AGAP1: variants seen among roughly 807,000 people sequenced by gnomAD.
AGAP1 encodes the protein arf-GAP with GTPase, ANK repeat and PH domain-containing protein 1.
AGAP1 carries 29 observed loss-of-function variants against 105.3 expected under a neutral mutation model. The ratio of observed to expected loss-of-function variants is 0.28; its 90% confidence interval spans 0.21 to 0.38. The LOEUF (loss-of-function observed/expected upper bound fraction) is 0.38, where lower values mean the gene tolerates loss of function less well. Among genes scored for constraint, AGAP1 ranks in the 10% least tolerant of loss-of-function variants. The probability of loss-of-function intolerance (pLI) is 1.00; values close to 1 mark genes in which losing one functional copy is unlikely to be tolerated. For synonymous variants in AGAP1, 509 were observed against 485.9 expected, an observed-to-expected ratio of 1.05 and a Z score of -0.63; for missense variants, 998 against 1,165.1, an observed-to-expected ratio of 0.86 and a Z score of 2.09.
intron 9 of AGAP1, among the ~76,000 whole-genome samples, chr2:235,856,201 C>T (rs977887993): frequency 2.6e-5 from 4 of 152,170 alleles, no homozygotes; most frequent in African/African-American, 9.7e-5. Flanking sequence ...CGTGAGCCAC[C>T]GCACCCGGCC....
intron 1 of AGAP1, among the ~76,000 whole-genome samples, chr2:235,591,920 C>G (rs554954713): frequency 6.9e-6 from 1 of 145,468 alleles, no homozygotes; most frequent in Admixed American, 7.1e-5. Flanking sequence ...CCTTCGTCTT[C>G]CCACATGATT....
intron 1 of AGAP1, chr2:235,670,981 C>T (rs951800055): frequency 2.7e-5 from 36 of 1,320,396 alleles, no homozygotes; most frequent in Non-Finnish European, 3.3e-5. Flanking sequence ...GGCCACGCGG[C>T]TACTTCAGCC....
At chr2:235,531,141 G>A (rs567246518) in intron 1 of AGAP1, among the ~76,000 whole-genome samples, 1 of 152,348 alleles carries the variant, frequency 6.6e-6, no homozygotes, top group African/African-American at 2.4e-5. Flanking sequence ...AGGAGTCTTA[G>A]TTTGGGATCA....
rs1347916339 is a variant in AGAP1, at chr2:235,904,308, CG to C, written c.1156-4428del. On this transcript the variant is annotated intron_variant, in intron 10 of 17. Coordinates refer to ENST00000304032, the MANE Select transcript of AGAP1 (RefSeq NM_001037131.3). The surrounding 1 kb of genome is among the most constrained non-coding windows in gnomAD (Gnocchi z 4.2). ...ACAGTTACCGAGCAATTGGCGGGTT[CG>C]GAAACAGGTCCCTTTGCTCTGGCGC... Among the ~76,000 whole-genome samples the C allele has an allele frequency of 6.6e-6, 1 of 152,098 alleles. No homozygotes were observed. The highest frequency in any genetic ancestry group is 1.5e-5 in the Non-Finnish European group (1 of 68,012).
At chr2:235,636,730 C>T (rs1453559290) in intron 1 of AGAP1, among the ~76,000 whole-genome samples, 1 of 152,040 alleles carries the variant, frequency 6.6e-6, no homozygotes, top group African/African-American at 2.4e-5. Context: ...ACGCCCGGTG[C>T]CTATGAATGT....
At position 235,566,460 on chromosome 2, in the gene AGAP1, A is replaced by G. The variant is rs571369522; in HGVS notation, c.163+71611A>G. The G allele has an allele frequency of 4.5e-5, 24 of 531,114 alleles. No individual in the cohort carries two copies. The highest frequency in any genetic ancestry group is 2.5e-4 in the South Asian group (3 of 12,122). 32.9% of individuals were successfully genotyped at this position (531,114 alleles called of 1,614,324 possible). On this transcript the variant is annotated intron_variant, in intron 1 of 17. Transcript: ENST00000304032. The surrounding 1 kb of genome is among the most constrained non-coding windows in gnomAD (Gnocchi z 5.2). ...TATTATTAACTCGAGATCAATATTG[A>G]TTTACTGTTTTGTTTTTTTATTTCC...
intron 6 of AGAP1, among the ~76,000 whole-genome samples, chr2:235,755,386 C>T (rs1171598949): frequency 6.6e-6 from 1 of 152,196 alleles, no homozygotes. Flanking sequence ...TGAAGGATTA[C>T]AGAAAAATAA....
rs2058970005 is a variant in AGAP1 at position 236,087,770 on chromosome 2, G to T, written c.2115-32422G>T. Among the ~76,000 whole-genome samples, 1 of 152,178 alleles carries T rather than the reference G, an allele frequency of 6.6e-6. No homozygotes were observed. Among genetic ancestry groups the T allele is most frequent in the African/African-American group, 2.4e-5 (1 of 41,436 alleles). ...TCCATGAAGCACCAAATAAGAAGTT[G>T]GCGTCCATTAAACTAGATTGATTAT... On this transcript the variant is annotated intron_variant, in intron 16 of 17. Coordinates refer to ENST00000304032, the MANE Select transcript of AGAP1 (RefSeq NM_001037131.3). The surrounding 1 kb of genome is among the most constrained non-coding windows in gnomAD (Gnocchi z 5.7).
chr2:236,102,384 C>T lies in AGAP1; in HGVS notation c.2115-17808C>T, dbSNP rs567793731. 7.5e-5 allele frequency among the ~76,000 whole-genome samples: 11 copies of T among 147,070 alleles called. No homozygotes were observed. The East Asian group carries it at 2.0e-3, about 27-fold the overall frequency. On this transcript the variant is annotated intron_variant, in intron 16 of 17. Transcript: ENST00000304032. ...ATTGAGGCGAGATCATGCCACTGCA[C>T]TCCAGCCTGGGCGACAGAGCGAGAC...
chr2:235,958,830 G>T lies in AGAP1; in HGVS notation c.1484-9632G>T, dbSNP rs1306889159. ...GGAATGTTATTTTATTCCCCCTCTAGTCATGCTTGTCAGCTCTCCGAGTGA... is the reference window on the plus strand; with the variant it reads ...GGAATGTTATTTTATTCCCCCTCTATTCATGCTTGTCAGCTCTCCGAGTGA... On this transcript the variant is annotated intron_variant, in intron 12 of 17. Transcript: ENST00000304032. This position sits in a 1 kb window ranked among gnomAD's most constrained non-coding sequence, Gnocchi z 4.1. Among the ~76,000 whole-genome samples the T allele has an allele frequency of 3.9e-5, 6 of 152,172 alleles. No homozygotes were observed. The highest frequency in any genetic ancestry group is 8.8e-5 in the Non-Finnish European group (6 of 68,034).
chr2:236,099,039 C>T (rs568132385), intron 16 of AGAP1, among the ~76,000 whole-genome samples: 3 of 152,130 alleles, frequency 2.0e-5, no homozygotes, highest in South Asian at 2.1e-4. Context: ...GCCCCACCTC[C>T]CCAGCGGGGG....
intron 1 of AGAP1, among the ~76,000 whole-genome samples, chr2:235,676,416 G>GA (rs768950312): frequency 4.3e-4 from 65 of 152,340 alleles, no homozygotes; most frequent in Non-Finnish European, 7.9e-4. Context: ...ACTAATGAGA[G>GA]AACTAGAAGA....
intron 6 of AGAP1, among the ~76,000 whole-genome samples, chr2:235,765,563 C>T (rs563649033): frequency 2.0e-5 from 3 of 152,300 alleles, no homozygotes; most frequent in African/African-American, 7.2e-5. Context: ...GCACAGCCAA[C>T]CGGACTGTAC....
At chr2:235,920,371 G>A (rs182257725) in intron 11 of AGAP1, among the ~76,000 whole-genome samples, 5 of 152,306 alleles carry the variant, frequency 3.3e-5, no homozygotes, top group Admixed American at 2.0e-4. Flanking sequence ...TGACTCTGGC[G>A]CTCCAGCTCA....
Position 235,799,664 on chromosome 2 carries a change from A to G in AGAP1, c.957+142A>G. 2.1e-6 allele frequency: 2 copies of G among 971,248 alleles called. No homozygotes were observed. The highest frequency in any genetic ancestry group is 2.3e-5 in the South Asian group (1 of 43,288). The allele number at this position is 971,248 out of a possible 1,614,324, so 60.2% of individuals were successfully genotyped here. ...ATAACATTGATTTCTGTGGAGGACT[A>G]AGAAAATTAAGAGAAGCAAAGATTT... On this transcript the variant is annotated intron_variant, in intron 8 of 17. Coordinates refer to ENST00000304032, the MANE Select transcript of AGAP1 (RefSeq NM_001037131.3). The surrounding 1 kb of genome is among the most constrained non-coding windows in gnomAD (Gnocchi z 5.0).
intron 16 of AGAP1, among the ~76,000 whole-genome samples, chr2:236,102,220 A>C (rs201795438): frequency 2.6e-4 from 39 of 152,050 alleles, no homozygotes; most frequent in Admixed American, 2.4e-3. Flanking sequence ...GATCGAGACC[A>C]TCCTGGCTAA....
chr2:235,925,137 G>A (rs549551412), intron 11 of AGAP1, among the ~76,000 whole-genome samples: 5 of 152,258 alleles, frequency 3.3e-5, no homozygotes, highest in East Asian at 1.9e-4. Flanking sequence ...CTCGGCTTCC[G>A]GGGTAGAAGC....
chr2:235,670,466 A>C (rs1255455041), intron 1 of AGAP1: 1 of 525,404 alleles, frequency 1.9e-6, no homozygotes, highest in Non-Finnish European at 3.4e-6. Context: ...CCTGGCCGGC[A>C]GCGCCCCGGC....
intron 11 of AGAP1, among the ~76,000 whole-genome samples, chr2:235,915,401 G>T (rs549515479): frequency 1.3e-5 from 2 of 152,194 alleles, no homozygotes; most frequent in African/African-American, 2.4e-5. Context: ...TTGGCCCAGC[G>T]CAGTGGCTCA....
Sources: allele counts gnomAD v4.1 joint callset (sites outside exome capture counted in the v4.1 genomes callset), GRCh38; gene constraint gnomAD v4.1.1; non-coding constraint Gnocchi (gnomAD v3.1); transcripts MANE v1.5; gene names NCBI Gene and HGNC (gene_info 2026-07-23, HGNC 2026-07-21).